LILRB2: variants seen among roughly 807,000 people sequenced by gnomAD.
LILRB2 encodes the protein leukocyte immunoglobulin-like receptor subfamily B member 2.
LILRB2 carries 47 observed loss-of-function variants against 72.7 expected under a neutral mutation model. The ratio of observed to expected loss-of-function variants is 0.65; its 90% CI spans 0.51 to 0.82. The LOEUF (loss-of-function observed/expected upper bound fraction) is 0.82, where lower values mean the gene tolerates loss of function less well. Among genes scored for constraint, LILRB2 ranks in the 40% least tolerant of loss-of-function variants. The probability of loss-of-function intolerance (pLI) is 0.00; values close to 1 mark genes in which losing one functional copy is unlikely to be tolerated. For synonymous variants in LILRB2, 279 were observed against 313.7 expected, an observed-to-expected ratio of 0.89 and a Z score of 1.17; for missense variants, 767 against 764.8, an observed-to-expected ratio of 1.00 and a Z score of -0.03.
chr19:54,276,267 G>A lies in LILRB2; in HGVS notation c.1591C>T (p.Leu531Phe), dbSNP rs1182017432. The A allele has an allele frequency of 1.9e-6, 3 of 1,613,920 alleles. No homozygotes were observed. The highest frequency in any genetic ancestry group is 4.5e-5 in the East Asian group (2 of 44,884). ...GTCACCTCTTCCTCTCACTCACAGA[G>A]GTTTTCTTCCTGGGCGTCGGCAGCT... ...SPAADAQEEN[L>F]YAAVKDTQPE... The change falls in exon 12 of 14, where the codon CTC becomes TTC. Residue 531 changes from leucine to phenylalanine, a missense_variant. Transcript: ENST00000314446.
chr19:54,276,202 T>C (rs2080213086), intron 12 of LILRB2, 62 bp downstream of exon 12: 1 of 1,609,538 alleles, frequency 6.2e-7, no homozygotes. Flanking sequence ...CTTTCCCCAT[T>C]GCTACGGAAA....
At chr19:54,278,173 T>A in intron 7 of LILRB2, 87 bp downstream of exon 7, 2 of 1,551,440 alleles carry the variant, frequency 1.3e-6, no homozygotes, top group Non-Finnish European at 1.8e-6. Context: ...AGACCCCCGC[T>A]CACTCCATCC....
Position 54,275,967 on chromosome 19 carries a change from A to C in LILRB2, c.1631T>G (p.Val544Gly), listed in dbSNP as rs1314588071. 13 of 1,614,040 alleles carry C rather than the reference A, an allele frequency of 8.1e-6. No homozygotes were observed. Among genetic ancestry groups the C allele is most frequent in the Non-Finnish European group, 1.1e-5 (13 of 1,179,944 alleles). Reference protein sequence around the residue: ...AVKDTQPEDGVEMDTRAAASE... With the variant: ...AVKDTQPEDGGEMDTRAAASE... ...GGGTCTCACCCGAGTGTCCATCTCCACCCCATCTTCAGGCTGTGTGTCCTT... is the reference window on the plus strand; with the variant it reads ...GGGTCTCACCCGAGTGTCCATCTCCCCCCCATCTTCAGGCTGTGTGTCCTT... Residue 544 changes from valine (V) to glycine (G), a missense_variant, in exon 13 of 14, where the codon GTG becomes GGG. Coordinates refer to ENST00000314446, the MANE Select transcript of LILRB2 (RefSeq NM_001080978.4).
Position 54,279,970 on chromosome 19 carries a change from C to A in LILRB2, c.176G>T (p.Arg59Leu). 6.2e-7 allele frequency: 1 copy of A among 1,614,052 alleles called. No homozygotes were observed. Among genetic ancestry groups the A allele is most frequent in the Non-Finnish European group, 8.5e-7 (1 of 1,180,004 alleles). ...CQGSLEAQEYRLYREKKSASW... is the reference protein window; with the variant it reads ...CQGSLEAQEYLLYREKKSASW... Reference sequence around the variant, plus strand: ...TGCTGATTTTTTCTCCCTATATAGACGGTACTCCTGGGCTTCAAGGCTCCC... The same window carrying A: ...TGCTGATTTTTTCTCCCTATATAGAAGGTACTCCTGGGCTTCAAGGCTCCC... The change falls in exon 4 of 14, where the codon CGT (arginine) becomes CTT (leucine). Residue 59 changes from arginine (R) to leucine (L), a missense_variant. Around this residue, in one of 3 missense-constraint regions of LILRB2, gnomAD observed 599 missense variants for 568.2 expected, o/e 1.05. Transcript: ENST00000314446.
intron 5 of LILRB2, 106 bp downstream of exon 5, chr19:54,279,239 C>G (rs1302066826): frequency 3.2e-6 from 5 of 1,540,710 alleles, no homozygotes; most frequent in East Asian, 2.3e-5. Flanking sequence ...GCCCTCTCGC[C>G]CCAACATCAT....
rs148633009 is a variant in LILRB2 at position 54,279,482 on chromosome 19, C to T, written c.521G>A (p.Arg174His). The T allele has an allele frequency of 3.2e-5, 52 of 1,614,042 alleles. No individual in the cohort carries two copies. Among genetic ancestry groups the T allele is most frequent in the African/African-American group, 1.1e-4 (8 of 74,934 alleles). The change falls in exon 5 of 14, where the codon CGT becomes CAT. Residue 174 changes from arginine (R) to histidine (H), a missense_variant. By Grantham distance (29) the Arg-to-His change is conservative. Transcript: ENST00000314446. The stretch of plus-strand genomic sequence containing the variant: ...GGAGAAGATGGCGCGGGACGACCCA[C>T]GGGCATGGGGCTGGGAGTTCAGGCA... ...PQCLNSQPHARGSSRAIFSVG... is the reference protein window; with the variant it reads ...PQCLNSQPHAHGSSRAIFSVG...
chr19:54,280,895 A>T lies in LILRB2; in HGVS notation c.-49+66T>A. On this transcript the variant is annotated intron_variant, in intron 1 of 13. Coordinates refer to ENST00000314446, the MANE Select transcript of LILRB2 (RefSeq NM_001080978.4). ...GCAGTGGCTTCCCCTTCCTTCTCAC[A>T]GCTTCCCACATGGTCACCCTCCCTC... is the stretch of plus-strand genomic sequence containing the variant. 12 of 998,864 alleles carry T rather than the reference A, an allele frequency of 1.2e-5. 1 individual carries two copies. In the South Asian group the frequency reaches 1.6e-4, roughly 13 times the overall value. The allele number at this position is 998,864 out of a possible 1,614,324, so 61.9% of individuals were successfully genotyped here.
At chr19:54,275,546 C>A in intron 13 of LILRB2, 1 of 514,934 alleles carries the variant, frequency 1.9e-6, no homozygotes, top group Non-Finnish European at 3.9e-6. Context: ...GAGGTGAGCT[C>A]AGGAGGCGGG....
rs2080349184 is a variant in LILRB2, at chr19:54,278,342, C to A, written c.1176G>T (p.Gly392=). ...TGAGTGAGCCGTAGCACCTGTAGGT[C>A]CCCGCGTGGGCTGAGGTCACAGGAC... ...PMSPVTSAHA[G]TYRCYGSLNS... The change falls in exon 7 of 14, where the codon GGG becomes GGT. Residue 392 remains glycine (G), a synonymous_variant. Transcript: ENST00000314446. 1 of 1,614,054 alleles carries A rather than the reference C, an allele frequency of 6.2e-7. No individual in the cohort carries two copies.
chr19:54,279,975 C>A lies in LILRB2; in HGVS notation c.171G>T (p.Glu57Asp). The change falls in exon 4 of 14, where the codon GAG becomes GAT. Residue 57 changes from glutamate (E) to aspartate (D), a missense_variant. Coordinates refer to ENST00000314446, the MANE Select transcript of LILRB2 (RefSeq NM_001080978.4). ...ATTTTTTCTCCCTATATAGACGGTACTCCTGGGCTTCAAGGCTCCCCTGAC... is the reference window on the plus strand; with the variant it reads ...ATTTTTTCTCCCTATATAGACGGTAATCCTGGGCTTCAAGGCTCCCCTGAC... ...LSCQGSLEAQ[E>D]YRLYREKKSA... The A allele has an allele frequency of 9.3e-6, 15 of 1,614,114 alleles. No individual in the cohort carries two copies. Among genetic ancestry groups the A allele is most frequent in the Non-Finnish European group, 1.3e-5 (15 of 1,180,002 alleles).
chr19:54,277,040 G>A lies in LILRB2; in HGVS notation c.1358-111C>T, dbSNP rs923831146. 262 of 1,520,508 alleles carry A rather than the reference G, an allele frequency of 1.7e-4. 2 individuals carry two copies. Among genetic ancestry groups the A allele is most frequent in the African/African-American group, 5.5e-4 (40 of 72,528 alleles). The allele number at this position is 1,520,508 out of a possible 1,614,324, so 94.2% of individuals were successfully genotyped here. On this transcript the variant is annotated intron_variant, in intron 9 of 13. Transcript: ENST00000314446. ...ACCACCTCCAACCCCCACAACAGTCGTGCAGCACACAAACATCCACCCCAC... is the reference window on the plus strand; with the variant it reads ...ACCACCTCCAACCCCCACAACAGTCATGCAGCACACAAACATCCACCCCAC...
At chr19:54,275,536 G>A (rs551495999) in intron 13 of LILRB2, 136 of 511,812 alleles carry the variant, frequency 2.7e-4, no homozygotes, top group Non-Finnish European at 4.6e-4. Context: ...CTCCCACCAT[G>A]AGGTGAGCTC....
At chr19:54,278,073 T>G in intron 7 of LILRB2, 134 bp from the exon 8 acceptor site, 1 of 1,099,882 alleles carries the variant, frequency 9.1e-7, no homozygotes. Flanking sequence ...TCCATGATGC[T>G]GGCGATGCCG....
chr19:54,280,115 A>G (rs1195657624), intron 3 of LILRB2, 40 bp from the exon 4 acceptor site: 4 of 1,610,978 alleles, frequency 2.5e-6, no homozygotes, highest in Non-Finnish European at 3.4e-6. Flanking sequence ...GTCATTTCCC[A>G]CCCAACAGAT....
Position 54,281,068 on chromosome 19 carries a change from C to G in LILRB2, c.-156G>C, listed in dbSNP as rs1300862109. 2.4e-5 allele frequency: 11 copies of G among 455,142 alleles called. No individual in the cohort carries two copies. The highest frequency in any genetic ancestry group is 7.4e-5 in the Admixed American group (3 of 40,574). The allele number at this position is 455,142 out of a possible 1,614,324, so 28.2% of individuals were successfully genotyped here. On this transcript the variant is annotated 5_prime_UTR_variant, in exon 1 of 14. Coordinates refer to ENST00000314446, the MANE Select transcript of LILRB2 (RefSeq NM_001080978.4). ...AGCATCTCGCCTCTGGCTGTGCTGTCCAGGTTGAGCTGTGTGTGGCAGTGA... is the reference window on the plus strand; with the variant it reads ...AGCATCTCGCCTCTGGCTGTGCTGTGCAGGTTGAGCTGTGTGTGGCAGTGA...
At position 54,274,739 on chromosome 19, in the gene LILRB2, G is replaced by A. The variant is rs1455418208; in HGVS notation, c.1738C>T (p.Gln580Ter). ...RRKATEPPPSQEREPPAEPSI... is the reference protein window; with the variant it reads ...RRKATEPPPS ...GGCTCAGCTGGAGGTTCCCTTTCCT[G>A]GGATGGAGGAGGCTCAGTTGCCTTC... Residue 580 changes from glutamine (Q) to a stop codon, truncating the protein, a stop_gained, in exon 14 of 14, where the codon CAG (glutamine) becomes TAG (stop). Transcript: ENST00000314446. LOFTEE classifies it high-confidence loss of function. The A allele has an allele frequency of 1.9e-6, 3 of 1,613,896 alleles. No individual in the cohort carries two copies. In the East Asian group the frequency reaches 6.7e-5, roughly 36 times the overall value.
At position 54,280,557 on chromosome 19, in the gene LILRB2, A is replaced by G. The variant is rs942960704; in HGVS notation, c.-48-13T>C. The G allele has an allele frequency of 1.2e-6, 2 of 1,612,830 alleles. No individual in the cohort carries two copies. Among genetic ancestry groups the G allele is most frequent in the African/African-American group, 2.7e-5 (2 of 74,640 alleles). The stretch of plus-strand genomic sequence containing the variant: ...TGAGCCCTCGGTGCTGGCGGGACAG[A>G]GACACACAGAGAGAAATAGCCTCCC... On this transcript the variant is annotated splice_polypyrimidine_tract_variant and intron_variant, in intron 1 of 13. Transcript: ENST00000314446.
rs537669131 is a variant in LILRB2, at chr19:54,279,198, C to T, written c.659-90G>A. 2.4e-4 allele frequency: 380 copies of T among 1,552,644 alleles called. No homozygotes were observed. In the South Asian group the frequency reaches 4.2e-3, roughly 17 times the overall value. ...CCCCCGGTGCCTCACCACTGCTGAT[C>T]TTCCTGTGTCTCTGGCCCCAGGACC... On this transcript the variant is annotated intron_variant, in intron 5 of 13. Coordinates refer to ENST00000314446, the MANE Select transcript of LILRB2 (RefSeq NM_001080978.4).
At chr19:54,277,408 C>G (rs1171215341) in intron 9 of LILRB2, 142 bp downstream of exon 9, 50 of 1,370,670 alleles carry the variant, frequency 3.6e-5, no homozygotes, top group Non-Finnish European at 5.0e-5. Context: ...GGCCTCTCTC[C>G]TTTACACTTG....
Sources: gnomAD v4.1 joint callset for allele counts on GRCh38, gnomAD v4.1.1 for gene constraint, gnomAD v4.1.1 regional missense constraint, MANE v1.5 for transcripts, NCBI Gene and HGNC (gene_info 2026-07-23, HGNC 2026-07-21) for gene names.